PATJ: variants seen among roughly 807,000 people sequenced by gnomAD.
PATJ encodes PATJ crumbs cell polarity complex component.
A neutral mutation model predicts 224.9 loss-of-function variants in PATJ; 190 were observed. The ratio of observed to expected loss-of-function variants is 0.84; its 90% CI spans 0.75 to 0.95. The LOEUF (loss-of-function observed/expected upper bound fraction) is 0.95, where lower values mean the gene tolerates loss of function less well. Among genes scored for constraint, PATJ ranks in the 40% least tolerant of loss-of-function variants. The pLI is 0.00. For synonymous variants in PATJ, 769 were observed against 820.3 expected (o/e 0.94, Z 1.07); for missense variants, 2,121 against 2,270.3 (o/e 0.93, Z 1.34).
intron 26 of PATJ, among the ~76,000 whole-genome samples, chr1:61,919,781 AT>A (rs1674014699): frequency 6.6e-6 from 1 of 152,122 alleles, no homozygotes; most frequent in Non-Finnish European, 1.5e-5. Context: ...CCACATGAAT[AT>A]TTTTTAAAAT....
At chr1:61,971,173 A>G (rs1682919765) in intron 27 of PATJ, among the ~76,000 whole-genome samples, 1 of 152,224 alleles carries the variant, frequency 6.6e-6, no homozygotes, top group African/African-American at 2.4e-5. Context: ...GGACTAAGTT[A>G]AGTGAACTGC....
At position 61,817,773 on chromosome 1, in the gene PATJ, G is replaced by A. The variant is rs150256165; in HGVS notation, c.1684-5172G>A. On this transcript the variant is annotated intron_variant, in intron 14 of 43. Coordinates refer to ENST00000642238, the MANE Select transcript of PATJ (RefSeq NM_001350145.3). Reference sequence around the variant, plus strand: ...CCTCTGAGGGGGCACACCTAAGTTCGGAGGCCATCATGCTTGTGGTTTTCC... The same window carrying A: ...CCTCTGAGGGGGCACACCTAAGTTCAGAGGCCATCATGCTTGTGGTTTTCC... Among the ~76,000 whole-genome samples the A allele has an allele frequency of 1.5e-4, 23 of 152,222 alleles. 1 individual carries two copies. In the East Asian group the frequency reaches 2.7e-3, roughly 18 times the overall value.
intron 25 of PATJ, among the ~76,000 whole-genome samples, chr1:61,911,725 T>A (rs1019211091): frequency 2.0e-5 from 3 of 146,734 alleles, no homozygotes; most frequent in African/African-American, 7.5e-5. Flanking sequence ...ATATCATATA[T>A]ATGACAAGTC....
chr1:62,090,401 C>T (rs1660586379), intron 33 of PATJ, among the ~76,000 whole-genome samples: 1 of 152,068 alleles, frequency 6.6e-6, no homozygotes, highest in Non-Finnish European at 1.5e-5. Flanking sequence ...CTCACACAGT[C>T]GTTCAAGTTA....
intron 41 of PATJ, among the ~76,000 whole-genome samples, chr1:62,143,438 A>ATTTTTTTTTTTTTTTTTTTTTT: frequency 1.3e-5 from 1 of 74,324 alleles, no homozygotes; most frequent in East Asian, 5.2e-4. Context: ...TAAGCTGGGA[A>ATTTTTTTTTTTTTTTTTTTTTT]TTTTTTTTTT....
At chr1:61,974,405 C>CTCTTTT (rs1434777894) in intron 27 of PATJ, among the ~76,000 whole-genome samples, 1 of 64,270 alleles carries the variant, frequency 1.6e-5, no homozygotes, top group African/African-American at 6.3e-5. Flanking sequence ...CTCTCTCTCT[C>CTCTTTT]TTTTTTTTTT....
chr1:62,069,749 A>G (rs1325792139), intron 31 of PATJ, among the ~76,000 whole-genome samples: 1 of 152,132 alleles, frequency 6.6e-6, no homozygotes, highest in African/African-American at 2.4e-5. Flanking sequence ...CTGTCTCACT[A>G]GGTCTGTAAA....
intron 21 of PATJ, among the ~76,000 whole-genome samples, chr1:61,881,448 T>C (rs182837074): frequency 0.013 from 1,959 of 147,300 alleles, 42 homozygotes; most frequent in African/African-American, 0.047. Context: ...TCTTGCTCTG[T>C]CACTCAGGCT....
chr1:61,822,969 C>T lies in PATJ; in HGVS notation c.1708C>T (p.Leu570Phe), dbSNP rs1290791039. 1 of 1,614,072 alleles carries T rather than the reference C, an allele frequency of 6.2e-7. No individual in the cohort carries two copies. Among genetic ancestry groups the T allele is most frequent in the Non-Finnish European group, 8.5e-7 (1 of 1,179,994 alleles). ...SKLLPIHTLR[L>F]GVEVDSFDGH... is the part of the protein sequence containing the mutation. ...GCTGCTGCCTATTCACACTCTGAGG[C>T]TTGGTGTGGAAGTGGATTCCTTTGA... The change falls in exon 15 of 44, where the codon CTT becomes TTT. Residue 570 changes from leucine to phenylalanine, a missense_variant. By Grantham distance (22) the Leu-to-Phe change is conservative. Transcript: ENST00000642238.
intron 17 of PATJ, among the ~76,000 whole-genome samples, chr1:61,845,075 A>G (rs1157016221): frequency 1.3e-5 from 2 of 152,210 alleles, no homozygotes; most frequent in African/African-American, 4.8e-5. Flanking sequence ...ACTTGGTACT[A>G]TCTGTGGTTT....
At chr1:61,825,868 C>T (rs1038552019) in intron 15 of PATJ, among the ~76,000 whole-genome samples, 6 of 152,134 alleles carry the variant, frequency 3.9e-5, no homozygotes, top group Non-Finnish European at 5.9e-5. Context: ...ATTCTATCTC[C>T]GTGCCTTTTT....
intron 41 of PATJ, among the ~76,000 whole-genome samples, chr1:62,140,343 C>T (rs1667373001): frequency 1.3e-5 from 2 of 152,142 alleles, no homozygotes; most frequent in South Asian, 4.1e-4. Context: ...TTATACTTTG[C>T]AGCTAGACTT....
intron 1 of PATJ, among the ~76,000 whole-genome samples, chr1:61,748,702 T>A (rs2148161702): frequency 6.6e-6 from 1 of 152,194 alleles, no homozygotes; most frequent in East Asian, 1.9e-4. Context: ...AATAATTTAA[T>A]TATTAGCTTT....
intron 13 of PATJ, among the ~76,000 whole-genome samples, 185 bp from the exon 14 acceptor site, chr1:61,808,288 CA>C (rs930797486): frequency 6.6e-6 from 1 of 151,658 alleles, no homozygotes. Flanking sequence ...AGAACAACAA[CA>C]AAAAAATCAA....
chr1:61,876,257 A>G (rs186062814), intron 21 of PATJ, among the ~76,000 whole-genome samples: 5 of 142,408 alleles, frequency 3.5e-5, no homozygotes, highest in Admixed American at 2.1e-4. Context: ...CAGAGCATGG[A>G]AAAAAAAAGA....
At chr1:62,140,826 T>C (rs1306052487) in intron 41 of PATJ, among the ~76,000 whole-genome samples, 2 of 151,814 alleles carry the variant, frequency 1.3e-5, no homozygotes, top group Non-Finnish European at 2.9e-5. Context: ...GGAGGATCAC[T>C]TGAGTCCAGG....
intron 16 of PATJ, among the ~76,000 whole-genome samples, chr1:61,828,927 A>G (rs1255012489): frequency 6.6e-6 from 1 of 152,144 alleles, no homozygotes; most frequent in African/African-American, 2.4e-5. Context: ...TTTCCTTTGA[A>G]AAATGGTGAT....
intron 8 of PATJ, among the ~76,000 whole-genome samples, chr1:61,789,077 G>A (rs886763153): frequency 6.6e-6 from 1 of 152,210 alleles, no homozygotes; most frequent in African/African-American, 2.4e-5. Context: ...GGGAGGCCAA[G>A]GTGGGTGGAT....
intron 33 of PATJ, among the ~76,000 whole-genome samples, chr1:62,087,619 T>C (rs1188201254): frequency 6.6e-6 from 1 of 151,898 alleles, no homozygotes; most frequent in African/African-American, 2.4e-5. Context: ...TGTTTGCTGG[T>C]CATGGTCCTT....
Sources: allele counts gnomAD v4.1 joint callset (sites outside exome capture counted in the v4.1 genomes callset), GRCh38; gene constraint gnomAD v4.1.1; transcripts MANE v1.5; gene names NCBI Gene and HGNC (gene_info 2026-07-23, HGNC 2026-07-21).